The following HNRNPA2B1 variants were observed in gnomAD, a reference collection of about 807,000 sequenced individuals.
HNRNPA2B1 encodes the protein heterogeneous nuclear ribonucleoproteins A2/B1.
HNRNPA2B1 carries 3 observed loss-of-function variants against 46.3 expected under a neutral mutation model. The ratio of observed to expected loss-of-function variants is 0.06; its 90% CI spans 0.03 to 0.17. The LOEUF (loss-of-function observed/expected upper bound fraction) is 0.17. HNRNPA2B1 is among the 10% of genes least tolerant of loss of function. The probability of loss-of-function intolerance (pLI) is 1.00; values close to 1 mark genes in which losing one functional copy is unlikely to be tolerated. For missense variants in HNRNPA2B1, 221 were observed against 418.9 expected (o/e 0.53, Z 4.12); for synonymous variants, 225 against 133.8 (o/e 1.68, Z -4.70).
intron 1 of HNRNPA2B1, chr7:26,200,354 CA>C: frequency 1.6e-6 from 1 of 615,456 alleles, no homozygotes; most frequent in African/African-American, 1.8e-5. Context: ...CCCCCACCCC[CA>C]GTGAAGGGAA....
At chr7:26,195,163 A>T (rs775951731) in intron 7 of HNRNPA2B1, among the ~76,000 whole-genome samples, 23 of 148,342 alleles carry the variant, frequency 1.6e-4, no homozygotes, top group Non-Finnish European at 3.1e-4. Context: ...TCTAACTTGT[A>T]GTTAAATACA....
intron 4 of HNRNPA2B1, 52 bp downstream of exon 4, chr7:26,196,755 A>T: frequency 6.3e-7 from 1 of 1,575,268 alleles, no homozygotes; most frequent in Non-Finnish European, 8.7e-7. Context: ...GTTAACATAC[A>T]CAAAATTGAA....
In HNRNPA2B1 at chr7:26,192,952, T is replaced by C. The variant is rs1187057383; in HGVS notation, c.964+299A>G. ...AAGGATTTAACTTCAAAGACCCTCA[T>C]TCCAATGTATACCACTTGCAATGTG... On this transcript the variant is annotated intron_variant, in intron 9 of 10. Transcript: ENST00000618183. 3.9e-5 allele frequency among the ~76,000 whole-genome samples: 6 copies of C among 152,290 alleles called. No individual in the cohort carries two copies. In the South Asian group the frequency reaches 1.0e-3, roughly 26 times the overall value.
intron 1 of HNRNPA2B1, 46 bp downstream of exon 1, chr7:26,200,526 C>T: frequency 6.2e-7 from 1 of 1,607,258 alleles, no homozygotes; most frequent in Non-Finnish European, 8.5e-7. Flanking sequence ...GCGCCAACGG[C>T]CTCGCCATGC....
In HNRNPA2B1 at chr7:26,196,673, T is replaced by C. The variant is rs202210103; in HGVS notation, c.476-15A>G. On this transcript the variant is annotated splice_polypyrimidine_tract_variant and intron_variant, in intron 4 of 10. Transcript: ENST00000618183. ...GTATTTCTGCACTGGAATGAAAAAT[T>C]CAGACTCCTTTTAAATTAAATCAAC... is the stretch of plus-strand genomic sequence containing the variant. 7 of 1,600,960 alleles carry C rather than the reference T, an allele frequency of 4.4e-6. No homozygotes were observed. The East Asian group carries it at 1.3e-4, about 31-fold the overall frequency.
At position 26,190,304 on chromosome 7, in the gene HNRNPA2B1, T is replaced by C. The variant is rs1331652301; in HGVS notation, c.*2056A>G. On this transcript the variant is annotated 3_prime_UTR_variant, in exon 11 of 11. Coordinates refer to ENST00000618183, the MANE Select transcript of HNRNPA2B1 (RefSeq NM_002137.4). ...TTATATCAAGAACCTCAACTAAATG[T>C]TTGTTTTATCAGAAAACATTTCCCT... 3 of 152,424 alleles carry C rather than the reference T, an allele frequency of 2.0e-5. No individual in the cohort carries two copies. The highest frequency in any genetic ancestry group is 1.3e-4 in the Admixed American group (2 of 15,206). The allele number at this position is 152,424 out of a possible 1,614,324, so 9.4% of individuals were successfully genotyped here. A position where few individuals can be genotyped will look rare whatever the true frequency, so the allele number is the denominator to read the frequency against.
rs1782735814 is a variant in HNRNPA2B1, at chr7:26,190,164, T to A, written c.*2196A>T. The A allele has an allele frequency of 6.6e-6, 1 of 152,638 alleles. No individual in the cohort carries two copies. The highest frequency in any genetic ancestry group is 2.4e-5 in the African/African-American group (1 of 41,468). 9.5% of individuals were successfully genotyped at this position (152,638 alleles called of 1,614,324 possible). Reference sequence around the variant, plus strand: ...GTATTTATTTTATAAACTTTATATTTAAAATAGAATTGTAATCTGTCTACT... The same window carrying A: ...GTATTTATTTTATAAACTTTATATTAAAAATAGAATTGTAATCTGTCTACT... On this transcript the variant is annotated 3_prime_UTR_variant, in exon 11 of 11. Transcript: ENST00000618183.
In HNRNPA2B1 at chr7:26,196,925, G is replaced by A. The variant is rs2128122380; in HGVS notation, c.357C>T (p.Tyr119=). The A allele has an allele frequency of 6.2e-7, 1 of 1,613,560 alleles. No homozygotes were observed. Among genetic ancestry groups the A allele is most frequent in the Non-Finnish European group, 8.5e-7 (1 of 1,179,600 alleles). Residue 119 remains tyrosine, a synonymous_variant, in exon 4 of 11, where the codon TAC becomes TAT. Transcript: ENST00000618183. ...EDTEEHHLRD[Y]FEEYGKIDTI... ...TATCAATTTTTCCATATTCCTCAAA[G>A]TAATCTCTAAGGTGATGTTCCTCAG... is the stretch of plus-strand genomic sequence containing the variant.
chr7:26,190,978 C>T lies in HNRNPA2B1; in HGVS notation c.*1382G>A, dbSNP rs896626350. ...TCTCATGATTTATTGAACTTGCAGC[C>T]TAACTTTTACCTACCATTTTACTAC... On this transcript the variant is annotated 3_prime_UTR_variant, in exon 11 of 11. Transcript: ENST00000618183. 2 of 152,526 alleles carry T rather than the reference C, an allele frequency of 1.3e-5. No individual in the cohort carries two copies. Among genetic ancestry groups the T allele is most frequent in the African/African-American group, 4.8e-5 (2 of 41,434 alleles). The allele number at this position is 152,526 out of a possible 1,614,324, so 9.4% of individuals were successfully genotyped here. A position where few individuals can be genotyped will look rare whatever the true frequency, so the allele number is the denominator to read the frequency against.
At chr7:26,194,525 C>T (rs1783288591) in intron 7 of HNRNPA2B1, among the ~76,000 whole-genome samples, 1 of 145,644 alleles carries the variant, frequency 6.9e-6, no homozygotes, top group Admixed American at 6.8e-5. Flanking sequence ...ACAGCAAAAC[C>T]CCCACACCTC....
intron 1 of HNRNPA2B1, chr7:26,198,359 G>C (rs1783915902): frequency 6.6e-6 from 1 of 152,366 alleles, no homozygotes; most frequent in African/African-American, 2.4e-5. Context: ...ATATGCATTA[G>C]AAATAACCTT....
In HNRNPA2B1 at chr7:26,192,636, T is replaced by C; in HGVS notation, c.965-59A>G. 5 of 1,340,046 alleles carry C rather than the reference T, an allele frequency of 3.7e-6. No individual in the cohort carries two copies. In the South Asian group the frequency reaches 4.7e-5, roughly 13 times the overall value. 83.0% of individuals were successfully genotyped at this position (1,340,046 alleles called of 1,614,324 possible). A position where few individuals can be genotyped will look rare whatever the true frequency, so the allele number is the denominator to read the frequency against. Reference sequence around the variant, plus strand: ...TTACTTTGATTTCCCATGATCAGCCTAACACTACAGTTGATTCTATTTTAT... The same window carrying C: ...TTACTTTGATTTCCCATGATCAGCCCAACACTACAGTTGATTCTATTTTAT... On this transcript the variant is annotated intron_variant, in intron 9 of 10. Coordinates refer to ENST00000618183, the MANE Select transcript of HNRNPA2B1 (RefSeq NM_002137.4).
At chr7:26,199,502 T>C (rs572933554) in intron 1 of HNRNPA2B1, 4 of 152,366 alleles carry the variant, frequency 2.6e-5, no homozygotes, top group Admixed American at 1.3e-4. Flanking sequence ...CGTAATCATC[T>C]ATAAAGGTCC....
intron 6 of HNRNPA2B1, 96 bp from the exon 7 acceptor site, chr7:26,196,005 T>C: frequency 6.8e-7 from 1 of 1,465,730 alleles, no homozygotes; most frequent in Non-Finnish European, 9.0e-7. Context: ...AGCACAATAA[T>C]TAAGAACCGC....
At chr7:26,194,047 A>C (rs1442750303) in intron 7 of HNRNPA2B1, among the ~76,000 whole-genome samples, 2 of 152,178 alleles carry the variant, frequency 1.3e-5, no homozygotes, top group Non-Finnish European at 1.5e-5. Flanking sequence ...ACTTCCTCCT[A>C]CTGGCCCAAA....
intron 9 of HNRNPA2B1, 47 bp downstream of exon 9, chr7:26,193,204 A>G: frequency 6.3e-7 from 1 of 1,576,612 alleles, no homozygotes; most frequent in Non-Finnish European, 8.7e-7. Context: ...CAAAAGGCTA[A>G]TCCTTTAATC....
At chr7:26,197,831 C>G in intron 1 of HNRNPA2B1, 99 bp from the exon 2 acceptor site, 1 of 1,605,336 alleles carries the variant, frequency 6.2e-7, no homozygotes, top group Non-Finnish European at 8.5e-7. Context: ...GGCAGAGTAC[C>G]TTTTTCCTCT....
In HNRNPA2B1 at chr7:26,192,547, C is replaced by G. The variant is rs1783015671; in HGVS notation, c.995G>C (p.Ser332Thr). The G allele has an allele frequency of 1.9e-6, 3 of 1,613,934 alleles. No individual in the cohort carries two copies. In the African/African-American group the frequency reaches 4.0e-5, roughly 22 times the overall value. The change falls in exon 10 of 11, where the codon AGT (serine) becomes ACT (threonine). Residue 332 changes from serine (S) to threonine (T), a missense_variant. This residue lies in a region of HNRNPA2B1 where 143 missense variants were observed against 200.5 expected (regional missense o/e 0.71). Coordinates refer to ENST00000618183, the MANE Select transcript of HNRNPA2B1 (RefSeq NM_002137.4). Reference protein sequence around the residue: ...GNYGPGGSGGSGGYGGRSRY With the variant: ...GNYGPGGSGGTGGYGGRSRY ...TCGGCTCCTCCCACCATAACCCCCA[C>G]TTCCTCCACTGCCTCCTGGACCATA... is the stretch of plus-strand genomic sequence containing the variant.
chr7:26,194,945 T>G (rs1438473125), intron 7 of HNRNPA2B1, among the ~76,000 whole-genome samples: 1 of 151,104 alleles, frequency 6.6e-6, no homozygotes, highest in Non-Finnish European at 1.5e-5. Flanking sequence ...AATACTAAAA[T>G]TAGCTGGGCG....
Sources: allele counts gnomAD v4.1 joint callset (sites outside exome capture counted in the v4.1 genomes callset), GRCh38; gene constraint gnomAD v4.1.1; regional missense constraint gnomAD v4.1.1; transcripts MANE v1.5; gene names NCBI Gene and HGNC (gene_info 2026-07-23, HGNC 2026-07-21).